The following TUBB3 variants were observed in gnomAD, a reference collection of about 807,000 sequenced individuals.
TUBB3 encodes tubulin beta 3 class III.
Under a neutral mutation model 37.8 loss-of-function variants are expected in TUBB3, and 17 were observed. The observed-to-expected ratio is 0.45, with a 90% CI of 0.31 to 0.67. The LOEUF is 0.67. Ranked by LOEUF, TUBB3 falls within the 30% of genes least tolerant of loss-of-function variation. The pLI, the probability that TUBB3 is intolerant of heterozygous loss-of-function variation, is 0.07. For synonymous variants in TUBB3, 332 were observed against 278.9 expected, an observed-to-expected ratio of 1.19 and a Z score of -1.90; for missense variants, 262 against 657.9, an observed-to-expected ratio of 0.40 and a Z score of 6.58.
intron 3 of TUBB3, chr16:89,934,360 C>A: frequency 2.0e-6 from 1 of 499,836 alleles, no homozygotes; most frequent in Non-Finnish European, 3.9e-6. Context: ...CAACTCGCAT[C>A]CAGCCCCCAG....
At chr16:89,928,674 G>A (rs1203519563) in intron 1 of TUBB3, among the ~76,000 whole-genome samples, 7 of 152,030 alleles carry the variant, frequency 4.6e-5, no homozygotes, top group East Asian at 1.9e-4. Flanking sequence ...ACAGGTGCCC[G>A]CCACCGCGCC....
chr16:89,933,737 G>C (rs1479205593), intron 3 of TUBB3, 159 bp downstream of exon 3: 9 of 733,506 alleles, frequency 1.2e-5, no homozygotes, highest in Non-Finnish European at 2.0e-5. Flanking sequence ...GGCATTGGAG[G>C]CCCAGAGAAA....
chr16:89,935,733 G>T lies in TUBB3; in HGVS notation c.1282G>T (p.Ala428Ser). ...GTCCGAGTACCAGCAGTACCAGGAC[G>T]CCACGGCCGAGGAAGAGGGCGAGAT... ...LVSEYQQYQD[A>S]TAEEEGEMYE... Residue 428 changes from alanine to serine, a missense_variant, in exon 4 of 4, where the codon GCC (alanine) becomes TCC (serine). Around this residue, in one of 3 missense-constraint regions of TUBB3, gnomAD observed 165 missense variants for 556.8 expected, o/e 0.30. Transcript: ENST00000315491. 6.2e-7 allele frequency: 1 copy of T among 1,613,958 alleles called. No individual in the cohort carries two copies. The highest frequency in any genetic ancestry group is 8.5e-7 in the Non-Finnish European group (1 of 1,179,956).
chr16:89,935,873 G>C lies in TUBB3; in HGVS notation c.*69G>C. ...GAAGCCAGCAGTGTCTAAACCCCCG[G>C]AGCCATCTTGCTGCCGACACCCTGC... On this transcript the variant is annotated 3_prime_UTR_variant, in exon 4 of 4. Transcript: ENST00000315491. 1.3e-6 allele frequency: 2 copies of C among 1,530,158 alleles called. No individual in the cohort carries two copies. The highest frequency in any genetic ancestry group is 4.0e-5 in the Admixed American group (2 of 49,906). 94.8% of individuals were successfully genotyped at this position (1,530,158 alleles called of 1,614,324 possible).
chr16:89,931,486 C>T (rs904105215), intron 1 of TUBB3, among the ~76,000 whole-genome samples: 3 of 152,248 alleles, frequency 2.0e-5, no homozygotes, highest in African/African-American at 7.2e-5. Flanking sequence ...CCAGACGCAG[C>T]GGCCTCGGCC....
intron 2 of TUBB3, 198 bp downstream of exon 2, chr16:89,932,877 C>T (rs558602973): frequency 1.6e-5 from 10 of 621,700 alleles, no homozygotes; most frequent in East Asian, 5.6e-5. Flanking sequence ...ATCACAGTCA[C>T]AAAAGTGAGA....
At position 89,929,828 on chromosome 16, in the gene TUBB3, G is replaced by A. The variant is rs1217677402; in HGVS notation, c.58-2743G>A. Among the ~76,000 whole-genome samples, 13 of 152,022 alleles carry A rather than the reference G, an allele frequency of 8.6e-5. No homozygotes were observed. The South Asian group carries it at 2.5e-3, about 29-fold the overall frequency. ...GTGATTCTCCGCCTCAGCCTCCCAA[G>A]CAGCTGGGATTACAGGTGCTCGCCA... On this transcript the variant is annotated intron_variant, in intron 1 of 3. Coordinates refer to ENST00000315491, the MANE Select transcript of TUBB3 (RefSeq NM_006086.4).
Position 89,925,175 on chromosome 16 carries a change from CCT to C in TUBB3, c.57+1718_57+1719del, listed in dbSNP as rs2030029892. 2.0e-5 allele frequency among the ~76,000 whole-genome samples: 3 copies of C among 152,314 alleles called. No homozygotes were observed. The South Asian group carries it at 6.2e-4, about 32-fold the overall frequency. Reference sequence around the variant, plus strand: ...CGGGTAGCAGAGGGAGCCCTTGTCCCCTGGACCGTGTCCTTGGCTGCCTTGTG... The same window carrying C: ...CGGGTAGCAGAGGGAGCCCTTGTCCCGGACCGTGTCCTTGGCTGCCTTGTG... On this transcript the variant is annotated intron_variant, in intron 1 of 3. Transcript: ENST00000315491.
At chr16:89,925,734 C>T (rs538331704) in intron 1 of TUBB3, among the ~76,000 whole-genome samples, 103 of 152,238 alleles carry the variant, frequency 6.8e-4, no homozygotes, top group Admixed American at 1.3e-3. Flanking sequence ...TGGCCGTTCT[C>T]GGCCTCCACT....
chr16:89,931,580 G>A (rs2030279691), intron 1 of TUBB3: 5 of 154,566 alleles, frequency 3.2e-5, no homozygotes, highest in African/African-American at 1.2e-4. Context: ...TGTGCACACA[G>A]ATAGATAGTT....
upstream of TUBB3, chr16:89,923,295 A>G: frequency 3.1e-6 from 3 of 952,834 alleles, no homozygotes; most frequent in Non-Finnish European, 4.1e-6. Context: ...AGCCGATGCG[A>G]AGGGCGGGGC....
In TUBB3 at chr16:89,932,371, T is replaced by C. The variant is rs2302899; in HGVS notation, c.58-200T>C. ...CCTGGGGCTGTGGTCGGCCTGGACG[T>C]GTAGGTGTGGAGGTGCATATTTATT... On this transcript the variant is annotated intron_variant, in intron 1 of 3. Transcript: ENST00000315491. Among the ~76,000 whole-genome samples, 96 of 152,232 alleles carry C rather than the reference T, an allele frequency of 6.3e-4. 1 individual carries two copies. In the East Asian group the frequency reaches 0.012, roughly 19 times the overall value.
intron 1 of TUBB3, among the ~76,000 whole-genome samples, chr16:89,928,961 CTTT>C (rs35314343): frequency 5.1e-5 from 7 of 135,930 alleles, no homozygotes; most frequent in Admixed American, 7.5e-5. Context: ...CGCGCCCGGC[CTTT>C]TTTTTTTTTT....
intron 2 of TUBB3, chr16:89,932,903 G>A: frequency 3.4e-6 from 2 of 593,100 alleles, no homozygotes; most frequent in South Asian, 3.8e-5. Context: ...ACATATTAGT[G>A]CCATGAGGGC....
intron 1 of TUBB3, among the ~76,000 whole-genome samples, chr16:89,930,080 T>C (rs2030230176): frequency 6.9e-6 from 1 of 145,854 alleles, no homozygotes; most frequent in Middle Eastern, 3.6e-3. Flanking sequence ...CTCTTTCCTT[T>C]CTTTCTTCCT....
chr16:89,932,444 G>A (rs2030310324), intron 1 of TUBB3, 127 bp from the exon 2 acceptor site: 1 of 737,802 alleles, frequency 1.4e-6, no homozygotes, highest in Admixed American at 2.0e-5. Context: ...TCTTCTGAAT[G>A]GGGCTCGTGG....
chr16:89,934,139 G>C (rs1597424185), intron 3 of TUBB3: 1 of 339,646 alleles, frequency 2.9e-6, no homozygotes, highest in Non-Finnish European at 5.6e-6. Flanking sequence ...CCTGTGTCCT[G>C]GGGCGGGGCC....
At chr16:89,923,908 G>A (rs777891460) in intron 1 of TUBB3, among the ~76,000 whole-genome samples, 9 of 152,142 alleles carry the variant, frequency 5.9e-5, no homozygotes, top group Non-Finnish European at 8.8e-5. Context: ...CCCCACTGGA[G>A]TAGCCGAACG....
At chr16:89,923,007 C>G (rs566639458), upstream of TUBB3, among the ~76,000 whole-genome samples, 1 of 152,358 alleles carries the variant, frequency 6.6e-6, no homozygotes, top group South Asian at 2.1e-4. Context: ...GTCGCAAGGG[C>G]GGAACCGAGA....
Sources: gnomAD v4.1 joint callset for allele counts (sites outside exome capture counted in the v4.1 genomes callset) on GRCh38, gnomAD v4.1.1 for gene constraint, gnomAD v4.1.1 regional missense constraint, MANE v1.5 for transcripts, NCBI Gene and HGNC (gene_info 2026-07-23, HGNC 2026-07-21) for gene names.